CEP164: variants seen among roughly 807,000 people sequenced by gnomAD.
CEP164 encodes the protein centrosomal protein of 164 kDa.
A neutral mutation model predicts 182.7 loss-of-function variants in CEP164; 162 were observed. The observed-to-expected ratio is 0.89, with a 90% CI of 0.78 to 1.01. The LOEUF (loss-of-function observed/expected upper bound fraction) is 1.01, where lower values mean the gene tolerates loss of function less well. Among genes scored for constraint, CEP164 ranks in the 50% least tolerant of loss-of-function variants. The probability of loss-of-function intolerance (pLI) is 0.00; values close to 1 mark genes in which losing one functional copy is unlikely to be tolerated. For missense variants in CEP164, 1,735 were observed against 1,790.4 expected (o/e 0.97, Z 0.56); for synonymous variants, 661 against 690.0 (o/e 0.96, Z 0.66).
chr11:117,362,164 C>A (rs1307279293), intron 6 of CEP164, among the ~76,000 whole-genome samples, 171 bp downstream of exon 6: 1 of 152,142 alleles, frequency 6.6e-6, no homozygotes, highest in African/African-American at 2.4e-5. Flanking sequence ...GGACTCTGGG[C>A]TGTGGAGGAT....
At chr11:117,382,645 CG>C (rs1324255904) in intron 13 of CEP164, 150 bp from the exon 14 acceptor site, 2 of 788,204 alleles carry the variant, frequency 2.5e-6, no homozygotes, top group African/African-American at 1.7e-5. Flanking sequence ...AGAGGAAGGG[CG>C]GGGAGAGGGA....
chr11:117,371,920 A>G (rs189102494), intron 9 of CEP164, among the ~76,000 whole-genome samples: 12 of 150,844 alleles, frequency 8.0e-5, no homozygotes, highest in Non-Finnish European at 1.6e-4. Context: ...CTCCTACCTC[A>G]TCATAGTTCA....
At chr11:117,355,143 C>T in intron 5 of CEP164, 1 of 1,289,850 alleles carries the variant, frequency 7.8e-7, no homozygotes, top group Non-Finnish European at 1.0e-6. Context: ...CAGCCACTCT[C>T]CAAAGGCCAA....
intron 1 of CEP164, among the ~76,000 whole-genome samples, chr11:117,333,075 T>G (rs1405126302): frequency 6.6e-6 from 1 of 152,164 alleles, no homozygotes; most frequent in Non-Finnish European, 1.5e-5. Flanking sequence ...TGCAGTGGTG[T>G]TATCATAGCT....
intron 1 of CEP164, among the ~76,000 whole-genome samples, chr11:117,332,010 A>C (rs1359354649): frequency 6.9e-6 from 1 of 143,944 alleles, no homozygotes; most frequent in African/African-American, 2.6e-5. Context: ...ATATTTGTGG[A>C]GACAGGGTCT....
At chr11:117,410,032 T>G in intron 30 of CEP164, 67 bp downstream of exon 30, 3 of 1,407,452 alleles carry the variant, frequency 2.1e-6, no homozygotes, top group Non-Finnish European at 3.0e-6. Context: ...CCTTTTCTTC[T>G]ACCCTCTTTC....
Position 117,394,392 on chromosome 11 carries a change from G to A in CEP164, c.2659G>A (p.Glu887Lys). ...RAELLGHLTGELERLQRAHER... is the reference protein window; with the variant it reads ...RAELLGHLTGKLERLQRAHER... ...TGAGCTTCTGGGGCACCTGACCGGA[G>A]AGCTGGAGCGCCTGCAGAGGGCCCA... The change falls in exon 21 of 33, where the codon GAG becomes AAG. Residue 887 changes from glutamate (E) to lysine (K), a missense_variant. Coordinates refer to ENST00000278935, the MANE Select transcript of CEP164 (RefSeq NM_014956.5). This position sits in a 1 kb window ranked among gnomAD's most constrained non-coding sequence, Gnocchi z 4.0. 5.0e-6 allele frequency: 8 copies of A among 1,611,642 alleles called. No homozygotes were observed. Among genetic ancestry groups the A allele is most frequent in the Non-Finnish European group, 6.8e-6 (8 of 1,179,096 alleles).
chr11:117,376,096 C>G (rs1209836252), intron 11 of CEP164, among the ~76,000 whole-genome samples: 3 of 151,032 alleles, frequency 2.0e-5, no homozygotes, highest in Non-Finnish European at 4.4e-5. Context: ...AAGGCACTTC[C>G]CATCCTGGCC....
At position 117,362,238 on chromosome 11, in the gene CEP164, A is replaced by G. The variant is rs7934067; in HGVS notation, c.553-166A>G. Reference sequence around the variant, plus strand: ...TCTCTGCAGCCAAGGCAGTAGGAGTAGGCAAAGGGAGTCATTGATGTGAGC... The same window carrying G: ...TCTCTGCAGCCAAGGCAGTAGGAGTGGGCAAAGGGAGTCATTGATGTGAGC... On this transcript the variant is annotated intron_variant, in intron 6 of 32. Transcript: ENST00000278935. Among the ~76,000 whole-genome samples, 33,009 of 152,166 alleles carry G rather than the reference A, an allele frequency of 0.22. 3,739 individuals carry two copies. Among genetic ancestry groups the G allele is most frequent in the African/African-American group, 0.27 (11,361 of 41,474 alleles).
chr11:117,322,412 C>A (rs1226829167), intron 1 of CEP164, among the ~76,000 whole-genome samples: 1 of 152,172 alleles, frequency 6.6e-6, no homozygotes, highest in Non-Finnish European at 1.5e-5. Flanking sequence ...CCGCGCCCGG[C>A]CCACATTATG....
At chr11:117,373,646 C>A in intron 9 of CEP164, 105 bp from the exon 10 acceptor site, 1 of 916,970 alleles carries the variant, frequency 1.1e-6, no homozygotes, top group Non-Finnish European at 1.8e-6. Flanking sequence ...TCAGTTTGAC[C>A]TGAGCCCTAT....
At chr11:117,373,315 G>A (rs2042408515) in intron 9 of CEP164, among the ~76,000 whole-genome samples, 1 of 151,916 alleles carries the variant, frequency 6.6e-6, no homozygotes, top group African/African-American at 2.4e-5. Flanking sequence ...TGCAGTGAGT[G>A]GAGATGGCGC....
Position 117,409,003 on chromosome 11 carries a change from C to T in CEP164, c.3723C>T (p.His1241=). ...GTTCTGAATCTTTTTCCCCGCCTCA[C>T]CGTGAGTGGTGGCGGCAGCAGAGGA... ...SESSESFSPP[H]REWWRQQRID... is the part of the protein sequence containing the mutation. The change falls in exon 29 of 33, where the codon CAC becomes CAT. Residue 1241 remains histidine (H), a synonymous_variant. Coordinates refer to ENST00000278935, the MANE Select transcript of CEP164 (RefSeq NM_014956.5). This position sits in a 1 kb window ranked among gnomAD's most constrained non-coding sequence, Gnocchi z 4.4. The T allele has an allele frequency of 6.2e-7, 1 of 1,614,032 alleles. No individual in the cohort carries two copies. Among genetic ancestry groups the T allele is most frequent in the Non-Finnish European group, 8.5e-7 (1 of 1,179,956 alleles).
intron 3 of CEP164, among the ~76,000 whole-genome samples, chr11:117,343,376 C>G (rs989454186): frequency 1.3e-5 from 2 of 151,962 alleles, no homozygotes; most frequent in African/African-American, 4.8e-5. Context: ...TTCATTACAG[C>G]ACGTGTCACC....
chr11:117,395,574 G>T lies in CEP164; in HGVS notation c.2941G>T (p.Glu981Ter). 2 of 1,613,202 alleles carry T rather than the reference G, an allele frequency of 1.2e-6. No individual in the cohort carries two copies. Among genetic ancestry groups the T allele is most frequent in the Admixed American group, 3.3e-5 (2 of 59,902 alleles). ...AGCCACAGCCACCCATCAGCAGCTG[G>T]AGGAGGCACAGAAGGAGCACACCCA... is the stretch of plus-strand genomic sequence containing the variant. ...EEATATHQQL[E>*]EAQKEHTHLL... The change falls in exon 24 of 33, where the codon GAG becomes TAG. Residue 981 changes from glutamate (E) to a stop codon, truncating the protein, a stop_gained. Coordinates refer to ENST00000278935, the MANE Select transcript of CEP164 (RefSeq NM_014956.5). LOFTEE classifies it high-confidence loss of function.
intron 7 of CEP164, 142 bp downstream of exon 7, chr11:117,362,680 T>C: frequency 1.2e-6 from 1 of 864,070 alleles, no homozygotes; most frequent in Non-Finnish European, 1.8e-6. Flanking sequence ...TCAGTGGTAT[T>C]AATTACCTTC....
intron 1 of CEP164, among the ~76,000 whole-genome samples, chr11:117,334,974 A>G (rs1406056866): frequency 6.6e-6 from 1 of 152,124 alleles, no homozygotes; most frequent in Non-Finnish European, 1.5e-5. Flanking sequence ...TATAGAGCAC[A>G]TGCTTGGGAA....
intron 5 of CEP164, among the ~76,000 whole-genome samples, chr11:117,360,789 C>T (rs957783368): frequency 1.3e-5 from 2 of 152,182 alleles, no homozygotes; most frequent in African/African-American, 4.8e-5. Flanking sequence ...GGCAACCATT[C>T]TGTTGTGGTG....
chr11:117,327,985 G>A (rs2035577461), intron 1 of CEP164, 81 bp downstream of exon 1: 1 of 152,404 alleles, frequency 6.6e-6, no homozygotes, highest in Non-Finnish European at 1.5e-5. Context: ...TCCGGGGTGG[G>A]GGATAGTTGA....
Sources: allele counts gnomAD v4.1 joint callset (sites outside exome capture counted in the v4.1 genomes callset), GRCh38; gene constraint gnomAD v4.1.1; non-coding constraint Gnocchi (gnomAD v3.1); transcripts MANE v1.5; gene names NCBI Gene and HGNC (gene_info 2026-07-23, HGNC 2026-07-21).